B3GALT1: variants seen among roughly 807,000 people sequenced by gnomAD.
The protein encoded by B3GALT1 is UDP-Gal:betaGlcNAc beta 1,3-galactosyltransferase, polypeptide 1.
A neutral mutation model predicts 23.2 loss-of-function variants in B3GALT1; 10 were observed. That is an observed-to-expected ratio of 0.43 (90% CI 0.27 to 0.73). The LOEUF (loss-of-function observed/expected upper bound fraction) is 0.73, where lower values mean the gene tolerates loss of function less well. B3GALT1 is among the 30% of genes least tolerant of loss of function. The pLI is 0.21. For missense variants in B3GALT1, 299 were observed against 405.4 expected (o/e 0.74, Z 2.25); for synonymous variants, 156 against 141.5 (o/e 1.10, Z -0.73).
intron 2 of B3GALT1, among the ~76,000 whole-genome samples, chr2:167,598,290 C>G (rs998502376): frequency 6.6e-6 from 1 of 151,918 alleles, no homozygotes; most frequent in Non-Finnish European, 1.5e-5. Context: ...TGTACACATA[C>G]ATACACTATA....
intron 3 of B3GALT1, among the ~76,000 whole-genome samples, chr2:167,698,899 A>G (rs1686827839): frequency 1.3e-5 from 2 of 152,192 alleles, no homozygotes; most frequent in Admixed American, 6.5e-5. Flanking sequence ...TTCTCTACTT[A>G]TCATTGAATA....
intron 3 of B3GALT1, among the ~76,000 whole-genome samples, chr2:167,732,134 C>T (rs777268609): frequency 2.0e-5 from 3 of 152,270 alleles, no homozygotes; most frequent in Non-Finnish European, 4.4e-5. Flanking sequence ...AAAACAAATA[C>T]ACAATGCCTT....
chr2:167,502,893 G>T, intron 2 of B3GALT1, among the ~76,000 whole-genome samples: 1 of 152,006 alleles, frequency 6.6e-6, no homozygotes, highest in Non-Finnish European at 1.5e-5. Context: ...ACAAAAATTA[G>T]CTGGGCATGG....
At chr2:167,799,125 AAT>A (rs1355246258) in intron 3 of B3GALT1, among the ~76,000 whole-genome samples, 4 of 152,088 alleles carry the variant, frequency 2.6e-5, no homozygotes, top group African/African-American at 9.7e-5. Flanking sequence ...CCATTTCCTT[AAT>A]ATAGTACTTG....
intron 4 of B3GALT1, among the ~76,000 whole-genome samples, chr2:167,849,057 GAC>G: frequency 6.6e-6 from 1 of 152,206 alleles, no homozygotes; most frequent in East Asian, 1.9e-4. Context: ...AAAACTATGA[GAC>G]ACTGCTGAAA....
chr2:167,378,869 TTGG>T (rs889428593), intron 1 of B3GALT1, among the ~76,000 whole-genome samples: 2 of 152,298 alleles, frequency 1.3e-5, no homozygotes, highest in African/African-American at 4.8e-5. Flanking sequence ...GTGCGATCCC[TTGG>T]TGGTGCCACT....
In B3GALT1 at chr2:167,489,909, C is replaced by A. The variant is rs144519769; in HGVS notation, c.-510-268C>A. On this transcript the variant is annotated intron_variant, in intron 1 of 4. Transcript: ENST00000392690. ...TAATTGTGGAAAATTGTTAAAATGACTTTATAACCAGTAAAGACATCATTT... is the reference window on the plus strand; with the variant it reads ...TAATTGTGGAAAATTGTTAAAATGAATTTATAACCAGTAAAGACATCATTT... Among the ~76,000 whole-genome samples, 54 of 152,182 alleles carry A rather than the reference C, an allele frequency of 3.5e-4. No homozygotes were observed. In the East Asian group the frequency reaches 8.5e-3, roughly 24 times the overall value.
intron 3 of B3GALT1, among the ~76,000 whole-genome samples, chr2:167,793,461 GTTA>G (rs1057327750): frequency 6.6e-6 from 1 of 152,172 alleles, no homozygotes; most frequent in African/African-American, 2.4e-5. Context: ...ACAAAATGCT[GTTA>G]TTACTAAGGA....
chr2:167,865,927 A>G (rs1326090770), intron 4 of B3GALT1, among the ~76,000 whole-genome samples: 1 of 152,222 alleles, frequency 6.6e-6, no homozygotes, highest in Non-Finnish European at 1.5e-5. Context: ...ACGGTGTCTG[A>G]GAACCACTCA....
chr2:167,800,864 C>T (rs1047429767), intron 3 of B3GALT1, among the ~76,000 whole-genome samples: 1 of 152,182 alleles, frequency 6.6e-6, no homozygotes, highest in Non-Finnish European at 1.5e-5. Context: ...CTAGAAGTCC[C>T]AAGCTCATTT....
At chr2:167,713,809 G>C in intron 3 of B3GALT1, 1 of 1,593,058 alleles carries the variant, frequency 6.3e-7, no homozygotes, top group Non-Finnish European at 8.6e-7. Flanking sequence ...TCTGTGGATA[G>C]ATGTTTCTCA....
chr2:167,396,042 T>A (rs1250243792), intron 1 of B3GALT1, among the ~76,000 whole-genome samples: 1 of 152,082 alleles, frequency 6.6e-6, no homozygotes, highest in Non-Finnish European at 1.5e-5. Context: ...CTGCAGAGAC[T>A]CTTCTGAAGG....
intron 1 of B3GALT1, among the ~76,000 whole-genome samples, chr2:167,332,080 ACT>A (rs1395640552): frequency 6.6e-6 from 1 of 151,972 alleles, no homozygotes; most frequent in East Asian, 1.9e-4. Context: ...CCCAGTGTGA[ACT>A]CTCTCTCTGT....
chr2:167,850,372 A>G (rs187203743), intron 4 of B3GALT1, among the ~76,000 whole-genome samples: 35 of 152,360 alleles, frequency 2.3e-4, no homozygotes, highest in Non-Finnish European at 4.6e-4. Flanking sequence ...AAAAATGGCC[A>G]TAATCAAAAA....
chr2:167,836,824 A>C (rs1689489005), intron 4 of B3GALT1, among the ~76,000 whole-genome samples: 1 of 152,230 alleles, frequency 6.6e-6, no homozygotes, highest in Admixed American at 6.5e-5. Flanking sequence ...CTAACAGCGG[A>C]TCTCTCGGGA....
intron 3 of B3GALT1, among the ~76,000 whole-genome samples, chr2:167,731,695 T>A (rs1687413083): frequency 1.3e-5 from 2 of 151,008 alleles, no homozygotes; most frequent in Non-Finnish European, 3.0e-5. Flanking sequence ...ACTGCAGGCA[T>A]CTCCCATTTA....
chr2:167,385,401 C>T (rs1697911862), intron 1 of B3GALT1, among the ~76,000 whole-genome samples: 1 of 152,138 alleles, frequency 6.6e-6, no homozygotes, highest in African/African-American at 2.4e-5. Flanking sequence ...GAGTTATTTA[C>T]CTGTCTTCCT....
chr2:167,340,739 GATC>G (rs1158219888), intron 1 of B3GALT1, among the ~76,000 whole-genome samples: 3 of 152,100 alleles, frequency 2.0e-5, no homozygotes, highest in African/African-American at 7.2e-5. Flanking sequence ...TAGACAAAGT[GATC>G]ATCATCTGGA....
chr2:167,418,558 T>A lies in B3GALT1; in HGVS notation c.-510-71619T>A, dbSNP rs142915540. ...TAGACCCCAACAACCCTGAAGGCCA[T>A]TGTAGAATTAAATTTGTACTCAATA... On this transcript the variant is annotated intron_variant, in intron 1 of 4. Transcript: ENST00000392690. 2.0e-5 allele frequency among the ~76,000 whole-genome samples: 3 copies of A among 152,328 alleles called. No homozygotes were observed. The East Asian group carries it at 5.8e-4, about 29-fold the overall frequency.
Sources: allele counts gnomAD v4.1 joint callset (sites outside exome capture counted in the v4.1 genomes callset), GRCh38; gene constraint gnomAD v4.1.1; transcripts MANE v1.5; gene names NCBI Gene and HGNC (gene_info 2026-07-23, HGNC 2026-07-21).